PTPRD: variants seen among roughly 807,000 people sequenced by gnomAD.
PTPRD encodes receptor-type tyrosine-protein phosphatase delta.
Under a neutral mutation model 214.5 loss-of-function variants are expected in PTPRD, and 34 were observed. That is an observed-to-expected ratio of 0.16 (90% CI 0.12 to 0.21). The LOEUF (loss-of-function observed/expected upper bound fraction) is 0.21, where lower values mean the gene tolerates loss of function less well. Among genes scored for constraint, PTPRD ranks in the 10% least tolerant of loss-of-function variants. The probability of loss-of-function intolerance (pLI) is 1.00; values close to 1 mark genes in which losing one functional copy is unlikely to be tolerated. For missense variants in PTPRD, 2,545 were observed against 2,398.7 expected, an observed-to-expected ratio of 1.06 and a Z score of -1.27; for synonymous variants, 1,128 against 845.7, an observed-to-expected ratio of 1.33 and a Z score of -5.79.
chr9:8,678,082 G>C (rs1318611223), intron 12 of PTPRD, among the ~76,000 whole-genome samples: 3 of 152,080 alleles, frequency 2.0e-5, no homozygotes, highest in Admixed American at 1.3e-4. Flanking sequence ...TAAAACACAG[G>C]CAAAACTTTA....
intron 3 of PTPRD, among the ~76,000 whole-genome samples, chr9:10,246,286 C>G (rs2092085164): frequency 6.6e-6 from 1 of 152,126 alleles, no homozygotes; most frequent in African/African-American, 2.4e-5. Context: ...TCTTGTTGCC[C>G]CGGCTGGAGT....
chr9:10,449,791 C>T lies in PTPRD; in HGVS notation c.-599-108774G>A, dbSNP rs1233527475. 5.8e-3 allele frequency among the ~76,000 whole-genome samples: 861 copies of T among 149,704 alleles called. 17 individuals are homozygous for T. The highest frequency in any genetic ancestry group is 0.019 in the African/African-American group (764 of 39,592). The stretch of plus-strand genomic sequence containing the variant: ...GCCATGATGACGATGGCGGTTTTGT[C>T]GAATAGAAAAGGGGGAAATGTGGGG... On this transcript the variant is annotated intron_variant, in intron 2 of 45. Transcript: ENST00000381196.
intron 12 of PTPRD, among the ~76,000 whole-genome samples, chr9:8,731,061 A>G (rs2098652337): frequency 6.6e-6 from 1 of 152,244 alleles, no homozygotes; most frequent in South Asian, 2.1e-4. Flanking sequence ...GAGGGATATT[A>G]TCACAATTTT....
At chr9:8,769,869 T>G (rs1458217763) in intron 11 of PTPRD, among the ~76,000 whole-genome samples, 1 of 151,044 alleles carries the variant, frequency 6.6e-6, no homozygotes, top group Non-Finnish European at 1.5e-5. Context: ...AGGATGCCAG[T>G]AATTGCAAGC....
At chr9:10,034,080 T>C (rs1027827272) in intron 3 of PTPRD, among the ~76,000 whole-genome samples, 6 of 152,114 alleles carry the variant, frequency 3.9e-5, no homozygotes, top group Non-Finnish European at 8.8e-5. Context: ...GATTAAATGC[T>C]ATTCCTATTT....
chr9:8,475,322 C>G (rs1031612621), intron 30 of PTPRD, among the ~76,000 whole-genome samples: 10 of 152,170 alleles, frequency 6.6e-5, no homozygotes, highest in African/African-American at 2.4e-4. Context: ...TGAGCCCTTT[C>G]TCTGTGATAT....
chr9:8,519,510 T>C (rs12684648), intron 20 of PTPRD, among the ~76,000 whole-genome samples: 8,905 of 152,262 alleles, frequency 0.058, 453 homozygotes, highest in South Asian at 0.23. Flanking sequence ...AGCCCATTAG[T>C]GTCCCTGTTT....
intron 11 of PTPRD, among the ~76,000 whole-genome samples, chr9:8,857,036 G>C (rs1206277796): frequency 6.6e-6 from 1 of 152,168 alleles, no homozygotes; most frequent in Non-Finnish European, 1.5e-5. Context: ...CCTACGGAAT[G>C]AATGTGTGTG....
chr9:9,986,762 C>T (rs1274532718), intron 4 of PTPRD, among the ~76,000 whole-genome samples: 1 of 152,084 alleles, frequency 6.6e-6, no homozygotes, highest in Non-Finnish European at 1.5e-5. Flanking sequence ...GATTGAAATA[C>T]TCTCTAGAGT....
intron 5 of PTPRD, among the ~76,000 whole-genome samples, chr9:9,849,666 T>G (rs1380315962): frequency 2.0e-5 from 3 of 152,126 alleles, no homozygotes; most frequent in African/African-American, 7.2e-5. Flanking sequence ...ACTGGCATTT[T>G]AATATCTTAG....
chr9:9,305,836 G>A (rs1956962038), intron 9 of PTPRD, among the ~76,000 whole-genome samples: 1 of 152,080 alleles, frequency 6.6e-6, no homozygotes, highest in Non-Finnish European at 1.5e-5. Context: ...TTAAAGTGAG[G>A]CAGCTGCAAG....
chr9:9,600,591 G>A (rs1158181824), intron 7 of PTPRD, among the ~76,000 whole-genome samples: 1 of 152,064 alleles, frequency 6.6e-6, no homozygotes, highest in Non-Finnish European at 1.5e-5. Context: ...GTATCTGTCT[G>A]TCAGCCCTAT....
chr9:9,776,208 C>A (rs1016052952), intron 5 of PTPRD, among the ~76,000 whole-genome samples: 1 of 152,146 alleles, frequency 6.6e-6, no homozygotes, highest in Admixed American at 6.6e-5. Flanking sequence ...TGTTTAGATT[C>A]TATTCCTTGT....
intron 3 of PTPRD, among the ~76,000 whole-genome samples, chr9:10,275,099 C>A (rs141241241): frequency 1.0e-3 from 154 of 152,260 alleles, no homozygotes; most frequent in African/African-American, 3.3e-3. Context: ...TGTGCAAACT[C>A]TTGTCTTCAC....
rs60272481 is a variant in PTPRD at position 10,248,533 on chromosome 9, A to AAAAAAAAAAC, written c.-545+92429_-545+92430insGTTTTTTTTT. Among the ~76,000 whole-genome samples the AAAAAAAAAAC allele has an allele frequency of 4.1e-4, 52 of 127,404 alleles. 1 individual carries two copies. Among genetic ancestry groups the AAAAAAAAAAC allele is most frequent in the African/African-American group, 8.2e-4 (25 of 30,366 alleles). 83.6% of individuals were successfully genotyped at this position (127,404 alleles called of 152,430 possible). On this transcript the variant is annotated intron_variant, in intron 3 of 45. Coordinates refer to ENST00000381196, the MANE Select transcript of PTPRD (RefSeq NM_002839.4). Reference sequence around the variant, plus strand: ...TAGCAAAAAAAAAAAAAAATAAAAAAAATAAAGCGAGAAACCAAAATGATA... The same window carrying AAAAAAAAAAC: ...TAGCAAAAAAAAAAAAAAATAAAAAAAAAAAAAAACAATAAAGCGAGAAACCAAAATGATA...
At chr9:8,603,773 C>A (rs2154279875) in intron 14 of PTPRD, among the ~76,000 whole-genome samples, 1 of 152,248 alleles carries the variant, frequency 6.6e-6, no homozygotes, top group South Asian at 2.1e-4. Context: ...GAAATATTTT[C>A]AGGACTTTGG....
At chr9:10,534,176 A>C (rs1409744741) in intron 2 of PTPRD, among the ~76,000 whole-genome samples, 1 of 151,952 alleles carries the variant, frequency 6.6e-6, no homozygotes, top group East Asian at 1.9e-4. Context: ...AATGTGATTC[A>C]AAGATGGCAA....
rs568821090 is a variant in PTPRD, at chr9:8,436,585, G to A, written c.4086+7C>T. 6 of 1,595,228 alleles carry A rather than the reference G, an allele frequency of 3.8e-6. No individual in the cohort carries two copies. The highest frequency in any genetic ancestry group is 2.2e-5 in the East Asian group (1 of 44,686). On this transcript the variant is annotated splice_region_variant and intron_variant, in intron 35 of 45. Transcript: ENST00000381196. ...AATTACTGTAAAGAATAAACACAGT[G>A]AATTACCTCATATTCCTGGGAAAAC...
intron 11 of PTPRD, among the ~76,000 whole-genome samples, chr9:8,845,734 C>G (rs149340483): frequency 7.2e-4 from 110 of 152,236 alleles, no homozygotes; most frequent in Admixed American, 2.0e-3. Context: ...CACTTTCCCC[C>G]AAAAAAAGTG....
Sources: gnomAD v4.1 joint callset for allele counts (sites outside exome capture counted in the v4.1 genomes callset) on GRCh38, gnomAD v4.1.1 for gene constraint, MANE v1.5 for transcripts, NCBI Gene and HGNC (gene_info 2026-07-23, HGNC 2026-07-21) for gene names.